KEL: variants seen among roughly 807,000 people sequenced by gnomAD.
The protein encoded by KEL is kell blood group glycoprotein.
Under a neutral mutation model 99.5 loss-of-function variants are expected in KEL, and 96 were observed. The observed-to-expected ratio is 0.97, with a 90% CI of 0.82 to 1.14. KEL has a LOEUF of 1.14. Among genes scored for constraint, KEL ranks in the 50% most tolerant of loss-of-function variants. The pLI is 0.00. For missense variants in KEL, 926 were observed against 924.2 expected, an observed-to-expected ratio of 1.00 and a Z score of -0.03; for synonymous variants, 355 against 354.8, an observed-to-expected ratio of 1.00 and a Z score of -0.01.
In KEL at chr7:142,942,498, C is replaced by G; in HGVS notation, c.1973G>C (p.Gly658Ala). ...AYSKRLLRHHGETVLPSLDLS... is the reference protein window; with the variant it reads ...AYSKRLLRHHAETVLPSLDLS... ...GTCCAGGCTGGGCAGGACAGTCTCC[C>G]CATGGTGCCGTAACAGCCTCTTGCT... is the stretch of plus-strand genomic sequence containing the variant. The change falls in exon 18 of 19, where the codon GGG (glycine) becomes GCG (alanine). Residue 658 changes from glycine to alanine, a missense_variant. Transcript: ENST00000355265. 1 of 1,610,240 alleles carries G rather than the reference C, an allele frequency of 6.2e-7. No individual in the cohort carries two copies. The highest frequency in any genetic ancestry group is 8.5e-7 in the Non-Finnish European group (1 of 1,178,412).
In KEL at chr7:142,946,610, T is replaced by C. The variant is rs1202313285; in HGVS notation, c.1204-293A>G. 9 of 466,352 alleles carry C rather than the reference T, an allele frequency of 1.9e-5. No homozygotes were observed. In the East Asian group the frequency reaches 3.4e-4, roughly 17 times the overall value. 28.9% of individuals were successfully genotyped at this position (466,352 alleles called of 1,614,324 possible). The stretch of plus-strand genomic sequence containing the variant: ...TCATCCTGGGGTTTCAAAAGCCTCC[T>C]GGGAAGAAGATGAGAACCCAAACTC... On this transcript the variant is annotated intron_variant, in intron 10 of 18. Transcript: ENST00000355265.
At chr7:142,944,443 T>A (rs994940159) in intron 12 of KEL, 43 bp from the exon 13 acceptor site, 2 of 1,521,910 alleles carry the variant, frequency 1.3e-6, no homozygotes, top group African/African-American at 2.7e-5. Flanking sequence ...TCTCCGAGTC[T>A]ACCAGAGGAA....
At chr7:142,943,743 T>C in intron 14 of KEL, 40 bp downstream of exon 14, 1 of 1,575,078 alleles carries the variant, frequency 6.3e-7, no homozygotes, top group Non-Finnish European at 8.7e-7. Context: ...TGGATGGGTC[T>C]CTCTGGGATG....
In KEL at chr7:142,953,792, C is replaced by G. The variant is rs141418537; in HGVS notation, c.1073+16G>C. On this transcript the variant is annotated intron_variant, in intron 9 of 18. Coordinates refer to ENST00000355265, the MANE Select transcript of KEL (RefSeq NM_000420.3). Reference sequence around the variant, plus strand: ...CCTCCATTTCCATGATCTCCCCAATCCCACCTGCGGCGAACCTCTGCTTTA... The same window carrying G: ...CCTCCATTTCCATGATCTCCCCAATGCCACCTGCGGCGAACCTCTGCTTTA... 685 of 1,613,952 alleles carry G rather than the reference C, an allele frequency of 4.2e-4. 9 individuals are homozygous for G. In the East Asian group the frequency reaches 0.011, roughly 26 times the overall value.
intron 1 of KEL, 61 bp downstream of exon 1, chr7:142,962,143 T>G: frequency 1.9e-6 from 3 of 1,613,742 alleles, no homozygotes; most frequent in East Asian, 4.5e-5. Context: ...GGGGCAGGAC[T>G]TTTGCACACA....
rs1433352774 is a variant in KEL at position 142,954,475 on chromosome 7, ATCT to A, written c.722_724del (p.Lys241del). On this transcript the variant is annotated inframe_deletion, in exon 7 of 19. Transcript: ENST00000355265. ...CATGTGCCATCTTACCTGGGCATAGATCTTCTGTTCTTGATCTTGCTTGAGGGG... is the reference window on the plus strand; with the variant it reads ...CATGTGCCATCTTACCTGGGCATAGATCTGTTCTTGATCTTGCTTGAGGGG... The A allele has an allele frequency of 6.2e-7, 1 of 1,613,906 alleles. No homozygotes were observed.
chr7:142,961,025 G>A lies in KEL; in HGVS notation c.303C>T (p.Thr101=), dbSNP rs778069705. The A allele has an allele frequency of 1.6e-5, 26 of 1,614,072 alleles. No individual in the cohort carries two copies. The South Asian group carries it at 1.8e-4, about 11-fold the overall frequency. ...TTCCACAGGCAAAGCTGAAGAAGTC[G>A]GTGCAGGGGGCCACACTTGTGTTCC... ...ASGNTSVAPC[T]DFFSFACGRA... The change falls in exon 4 of 19, where the codon ACC becomes ACT. Residue 101 remains threonine, a synonymous_variant. Coordinates refer to ENST00000355265, the MANE Select transcript of KEL (RefSeq NM_000420.3).
chr7:142,946,292 C>T lies in KEL; in HGVS notation c.1229G>A (p.Cys410Tyr). ...PMPARPRWMK[C>Y]VEETGTFFEP... ...GAAGAACGTGCCTGTCTCCTCCACG[C>T]ACTTCATCCATCGTGGGCGGGCAGG... Residue 410 changes from cysteine (C) to tyrosine (Y), a missense_variant, in exon 11 of 19, where the codon TGC becomes TAC. Coordinates refer to ENST00000355265, the MANE Select transcript of KEL (RefSeq NM_000420.3). The T allele has an allele frequency of 6.2e-7, 1 of 1,614,016 alleles. No homozygotes were observed. Among genetic ancestry groups the T allele is most frequent in the Non-Finnish European group, 8.5e-7 (1 of 1,179,986 alleles).
chr7:142,958,240 C>A, intron 5 of KEL, 64 bp downstream of exon 5: 2 of 1,612,704 alleles, frequency 1.2e-6, no homozygotes, highest in Non-Finnish European at 1.7e-6. Flanking sequence ...AAATGGCAGC[C>A]CTAAGCATGC....
chr7:142,958,613 A>C (rs1796886871), intron 4 of KEL, among the ~76,000 whole-genome samples, 185 bp from the exon 5 acceptor site: 1 of 152,250 alleles, frequency 6.6e-6, no homozygotes. Context: ...GAGACAAAGA[A>C]GAAAACAAAA....
chr7:142,948,899 GACACAC>G (rs72104159), intron 10 of KEL, among the ~76,000 whole-genome samples: 73 of 142,270 alleles, frequency 5.1e-4, no homozygotes, highest in Admixed American at 2.1e-3. Context: ...AAGCTTCACA[GACACAC>G]ACACACACAC....
chr7:142,956,751 T>C (rs1356781773), intron 6 of KEL, among the ~76,000 whole-genome samples: 1 of 152,190 alleles, frequency 6.6e-6, no homozygotes, highest in African/African-American at 2.4e-5. Context: ...CTTAACCAGA[T>C]CTTAACCGGC....
At position 142,961,451 on chromosome 7, in the gene KEL, C is replaced by A. The variant is rs573971029; in HGVS notation, c.132G>T (p.Val44=). 4.3e-6 allele frequency: 7 copies of A among 1,612,298 alleles called. No homozygotes were observed. Among genetic ancestry groups the A allele is most frequent in the African/African-American group, 4.0e-5 (3 of 74,918 alleles). Residue 44 remains valine, a synonymous_variant, in exon 3 of 19, where the codon GTG becomes GTT. Transcript: ENST00000355265. ...GGATAGCTGTCAGCACCCGCCTGGCCACTGCCCATGGCCTGCTCCCTTCCA... is the reference window on the plus strand; with the variant it reads ...GGATAGCTGTCAGCACCCGCCTGGCAACTGCCCATGGCCTGCTCCCTTCCA... The part of the protein sequence containing the change: ...LPVEGSRPWA[V]ARRVLTAILI...
chr7:142,957,996 T>G, intron 5 of KEL, 23 bp from the exon 6 acceptor site: 2 of 1,611,716 alleles, frequency 1.2e-6, no homozygotes, highest in Non-Finnish European at 1.7e-6. Flanking sequence ...GAGAGGGGGC[T>G]GAGCATAAGG....
chr7:142,947,134 A>G (rs1217576116), intron 10 of KEL, among the ~76,000 whole-genome samples: 3 of 152,224 alleles, frequency 2.0e-5, no homozygotes, highest in Non-Finnish European at 4.4e-5. Flanking sequence ...CCCAGAGATG[A>G]CACGGTAAAT....
At position 142,957,813 on chromosome 7, in the gene KEL, A is replaced by G; in HGVS notation, c.672+14T>C. ...GGCCAGGTCCAACTGTGTCTTCGCC[A>G]GTGCATCCCTCACCTGGATGACTGG... On this transcript the variant is annotated intron_variant, in intron 6 of 18. Transcript: ENST00000355265. 1 of 1,613,932 alleles carries G rather than the reference A, an allele frequency of 6.2e-7. No homozygotes were observed. The highest frequency in any genetic ancestry group is 8.5e-7 in the Non-Finnish European group (1 of 1,179,968).
intron 5 of KEL, 88 bp downstream of exon 5, chr7:142,958,216 C>A (rs1796874678): frequency 1.3e-6 from 2 of 1,596,590 alleles, no homozygotes; most frequent in East Asian, 2.2e-5. Flanking sequence ...AGAAGACCCA[C>A]CCTCTAGAAA....
At chr7:142,942,088 T>G in intron 18 of KEL, 1 of 348,226 alleles carries the variant, frequency 2.9e-6, no homozygotes, top group South Asian at 3.6e-5. Context: ...GGATTACAGG[T>G]GTGAGCCACT....
At chr7:142,961,283 C>A in intron 3 of KEL, 77 bp downstream of exon 3, 1 of 1,603,030 alleles carries the variant, frequency 6.2e-7, no homozygotes, top group Non-Finnish European at 8.5e-7. Context: ...GGCAGAAGCC[C>A]CAGGAGCAGG....
Sources: gnomAD v4.1 joint callset for allele counts (sites outside exome capture counted in the v4.1 genomes callset) on GRCh38, gnomAD v4.1.1 for gene constraint, MANE v1.5 for transcripts, NCBI Gene and HGNC (gene_info 2026-07-23, HGNC 2026-07-21) for gene names.